The following RAB28 variants were observed in gnomAD, a reference collection of about 807,000 sequenced individuals.
RAB28 encodes ras-related protein Rab-28.
A neutral mutation model predicts 31.7 loss-of-function variants in RAB28; 24 were observed. The observed-to-expected ratio is 0.76, with a 90% CI of 0.55 to 1.06. The LOEUF is 1.06. RAB28 is among the 50% of genes least tolerant of loss of function. The probability of loss-of-function intolerance (pLI) is 0.00; values close to 1 mark genes in which losing one functional copy is unlikely to be tolerated. For missense variants in RAB28, 254 were observed against 258.5 expected (o/e 0.98, Z 0.12); for synonymous variants, 100 against 90.4 (o/e 1.11, Z -0.60).
intron 4 of RAB28, among the ~76,000 whole-genome samples, chr4:13,434,575 T>A (rs1713988653): frequency 1.3e-5 from 2 of 152,196 alleles, no homozygotes; most frequent in Admixed American, 1.3e-4. Flanking sequence ...CTATAGACAG[T>A]TCACCCAACC....
chr4:13,466,979 A>G (rs1715875959), intron 3 of RAB28, among the ~76,000 whole-genome samples: 2 of 151,656 alleles, frequency 1.3e-5, no homozygotes, highest in Admixed American at 1.3e-4. Context: ...GAAGTAATCA[A>G]ACTCACAGAA....
intron 4 of RAB28, among the ~76,000 whole-genome samples, chr4:13,402,982 A>G (rs1383463138): frequency 6.6e-6 from 1 of 152,000 alleles, no homozygotes; most frequent in Non-Finnish European, 1.5e-5. Flanking sequence ...TTTTGTAGGA[A>G]AGGGGTTTTG....
intron 3 of RAB28, chr4:13,473,670 ATATCAG>A (rs1716216966): frequency 6.0e-6 from 1 of 166,798 alleles, no homozygotes; most frequent in Non-Finnish European, 1.3e-5. Flanking sequence ...CTTATAAATT[ATATCAG>A]TATAAGCTCA....
At chr4:13,478,334 T>C (rs969746133) in intron 2 of RAB28, among the ~76,000 whole-genome samples, 3 of 151,508 alleles carry the variant, frequency 2.0e-5, no homozygotes, top group African/African-American at 4.8e-5. Context: ...ATTGGAATTC[T>C]TTTTTTTCTC....
intron 4 of RAB28, among the ~76,000 whole-genome samples, chr4:13,393,192 C>T (rs1338452872): frequency 6.6e-6 from 1 of 152,170 alleles, no homozygotes; most frequent in Non-Finnish European, 1.5e-5. Context: ...GAAACTTCTA[C>T]AACTGCTTAG....
At chr4:13,394,819 GA>G (rs1729800267) in intron 4 of RAB28, among the ~76,000 whole-genome samples, 1 of 152,134 alleles carries the variant, frequency 6.6e-6, no homozygotes, top group African/African-American at 2.4e-5. Flanking sequence ...ACCATGAGGA[GA>G]AACGATGTCT....
chr4:13,480,316 T>C (rs1168826936), intron 1 of RAB28, among the ~76,000 whole-genome samples: 1 of 151,802 alleles, frequency 6.6e-6, no homozygotes, highest in African/African-American at 2.4e-5. Context: ...TGAATAACAA[T>C]AACTTAACAA....
chr4:13,409,865 A>ATTTGGCT (rs1433446092), intron 4 of RAB28, among the ~76,000 whole-genome samples: 1 of 152,142 alleles, frequency 6.6e-6, no homozygotes, highest in Non-Finnish European at 1.5e-5. Flanking sequence ...GCCTGCTATA[A>ATTTGGCT]TTTGGCTTTG....
At chr4:13,447,182 C>T (rs1183552020) in intron 4 of RAB28, among the ~76,000 whole-genome samples, 1 of 152,202 alleles carries the variant, frequency 6.6e-6, no homozygotes, top group Non-Finnish European at 1.5e-5. Flanking sequence ...GGTCTCCCTG[C>T]TTCTACTCTT....
chr4:13,445,956 T>C (rs905299220), intron 4 of RAB28, among the ~76,000 whole-genome samples: 1 of 152,178 alleles, frequency 6.6e-6, no homozygotes, highest in Admixed American at 6.5e-5. Flanking sequence ...TTAAGTCCCC[T>C]GAACCTGAGT....
chr4:13,422,214 G>A (rs1174225332), intron 4 of RAB28, among the ~76,000 whole-genome samples: 2 of 152,116 alleles, frequency 1.3e-5, no homozygotes, highest in African/African-American at 4.8e-5. Context: ...ACCATCTCAT[G>A]CCAGTTAGAA....
intron 4 of RAB28, among the ~76,000 whole-genome samples, chr4:13,446,866 A>G (rs1714724182): frequency 6.6e-6 from 1 of 152,072 alleles, no homozygotes; most frequent in Non-Finnish European, 1.5e-5. Flanking sequence ...ACTGCTTACT[A>G]AACATCTCCA....
At chr4:13,407,125 T>C (rs1037942262) in intron 4 of RAB28, among the ~76,000 whole-genome samples, 3 of 152,204 alleles carry the variant, frequency 2.0e-5, no homozygotes, top group Admixed American at 2.0e-4. Context: ...TCTTCTAGGG[T>C]ATTTATGGTT....
chr4:13,432,435 GA>G (rs1713862947), intron 4 of RAB28, among the ~76,000 whole-genome samples: 1 of 152,074 alleles, frequency 6.6e-6, no homozygotes. Flanking sequence ...AAGGAATTAA[GA>G]GAACTCTTGG....
chr4:13,448,167 T>C (rs1714790212), intron 4 of RAB28, among the ~76,000 whole-genome samples: 1 of 152,056 alleles, frequency 6.6e-6, no homozygotes, highest in South Asian at 2.1e-4. Flanking sequence ...CCACTGCAAA[T>C]ACAGACTAAA....
intron 4 of RAB28, among the ~76,000 whole-genome samples, chr4:13,409,453 A>G (rs1712296727): frequency 6.6e-6 from 1 of 152,170 alleles, no homozygotes; most frequent in Non-Finnish European, 1.5e-5. Context: ...GCTCTCACCA[A>G]CTCTAATCCT....
chr4:13,446,221 A>C (rs1359886976), intron 4 of RAB28, among the ~76,000 whole-genome samples: 1 of 152,000 alleles, frequency 6.6e-6, no homozygotes, highest in Non-Finnish European at 1.5e-5. Flanking sequence ...TCCCCCAACC[A>C]AACTTGGTCC....
Position 13,368,230 on chromosome 4 carries a change from T to C in RAB28, c.*328A>G. 2.0e-6 allele frequency: 2 copies of C among 1,004,010 alleles called. No individual in the cohort carries two copies. The highest frequency in any genetic ancestry group is 2.4e-6 in the Non-Finnish European group (2 of 842,602). The allele number at this position is 1,004,010 out of a possible 1,614,324, so 62.2% of individuals were successfully genotyped here. On this transcript the variant is annotated 3_prime_UTR_variant, in exon 7 of 7. Transcript: ENST00000330852. ...GGCTGATGATCAAGACTTGGAGAGT[T>C]TTCATATTAAGTTAAAAAAATTTAC... is the stretch of plus-strand genomic sequence containing the variant.
rs762914306 is a variant in RAB28, at chr4:13,376,615, A to G, written c.503T>C (p.Leu168Pro). Reference protein sequence around the residue: ...VSAKTGDSVFLCFQKVAAEIL... With the variant: ...VSAKTGDSVFPCFQKVAAEIL... ...TTCAGCAGCAACTTTCTGAAAGCAC[A>G]GGAAGACCTACATAACAAAAATGGG... Residue 168 changes from leucine to proline, a missense_variant, in exon 6 of 7, where the codon CTG (leucine) becomes CCG (proline). Coordinates refer to ENST00000330852, the MANE Select transcript of RAB28 (RefSeq NM_001017979.3). 1.9e-6 allele frequency: 3 copies of G among 1,599,600 alleles called. No homozygotes were observed. In the South Asian group the frequency reaches 3.4e-5, roughly 18 times the overall value.
Sources: allele counts gnomAD v4.1 joint callset (sites outside exome capture counted in the v4.1 genomes callset), GRCh38; gene constraint gnomAD v4.1.1; transcripts MANE v1.5; gene names NCBI Gene and HGNC (gene_info 2026-07-23, HGNC 2026-07-21).